The following RNF43 variants were observed in gnomAD, a reference collection of about 807,000 sequenced individuals.
RNF43 encodes the protein E3 ubiquitin-protein ligase RNF43.
Under a neutral mutation model 78.4 loss-of-function variants are expected in RNF43, and 37 were observed. The ratio of observed to expected loss-of-function variants is 0.47; its 90% confidence interval spans 0.36 to 0.62. The LOEUF is 0.62. Ranked by LOEUF, RNF43 falls within the 20% of genes least tolerant of loss-of-function variation. RNF43 has a pLI of 0.00. For missense variants in RNF43, 774 were observed against 1,007.9 expected (o/e 0.77, Z 3.14); for synonymous variants, 347 against 395.0 (o/e 0.88, Z 1.44).
rs374323015 is a variant in RNF43 at position 58,404,925 on chromosome 17, G to GA, written c.252+10400dup. On this transcript the variant is annotated intron_variant, in intron 2 of 9. Coordinates refer to ENST00000407977, the MANE Select transcript of RNF43 (RefSeq NM_017763.6). ...ATTTTAGAAAGTCAGTTTACAATCT[G>GA]AAAAAAAAAAGCCATGGTATCTAGT... Among the ~76,000 whole-genome samples the GA allele has an allele frequency of 8.9e-4, 124 of 139,782 alleles. 1 individual carries two copies. The South Asian group carries it at 0.016, about 18-fold the overall frequency. 91.7% of individuals were successfully genotyped at this position (139,782 alleles called of 152,430 possible). A position where few individuals can be genotyped will look rare whatever the true frequency, so the allele number is the denominator to read the frequency against.
intron 2 of RNF43, among the ~76,000 whole-genome samples, chr17:58,393,162 C>G (rs1189561463): frequency 2.6e-5 from 4 of 152,174 alleles, no homozygotes; most frequent in Admixed American, 1.3e-4. Flanking sequence ...AATCCCAGCA[C>G]TTTTGGAGGC....
intron 2 of RNF43, among the ~76,000 whole-genome samples, chr17:58,412,028 ATT>A (rs1395672782): frequency 6.6e-6 from 1 of 152,216 alleles, no homozygotes; most frequent in African/African-American, 2.4e-5. Context: ...CCGCCAGGTA[ATT>A]AGGAGATCTG....
At chr17:58,379,932 T>C (rs752147720) in intron 2 of RNF43, among the ~76,000 whole-genome samples, 30 of 152,238 alleles carry the variant, frequency 2.0e-4, no homozygotes, top group Non-Finnish European at 3.2e-4. Flanking sequence ...ACTAGAAAGC[T>C]ACTCATGAAG....
At chr17:58,386,663 A>C (rs1040643587) in intron 2 of RNF43, among the ~76,000 whole-genome samples, 1 of 152,030 alleles carries the variant, frequency 6.6e-6, no homozygotes, top group Non-Finnish European at 1.5e-5. Context: ...AATGCCTATT[A>C]TTTCTGTTCT....
chr17:58,415,605 C>A lies in RNF43; in HGVS notation c.-28G>T. 1 of 1,601,790 alleles carries A rather than the reference C, an allele frequency of 6.2e-7. No homozygotes were observed. The highest frequency in any genetic ancestry group is 8.5e-7 in the Non-Finnish European group (1 of 1,179,458). On this transcript the variant is annotated 5_prime_UTR_variant, in exon 2 of 10. Transcript: ENST00000407977. ...TACCAGCTGCAGCAATGCACTTCAA[C>A]CATACATACTGCTTCCACTAGCTAA...
At chr17:58,404,160 T>G (rs191309283) in intron 2 of RNF43, among the ~76,000 whole-genome samples, 8 of 152,228 alleles carry the variant, frequency 5.3e-5, no homozygotes, top group Non-Finnish European at 8.8e-5. Flanking sequence ...CTGCTACCTA[T>G]TTATTGTAAG....
At chr17:58,403,736 T>A (rs1243275824) in intron 2 of RNF43, among the ~76,000 whole-genome samples, 1 of 152,220 alleles carries the variant, frequency 6.6e-6, no homozygotes, top group Non-Finnish European at 1.5e-5. Context: ...GATGCTTACA[T>A]ACTAGAGCTC....
intron 3 of RNF43, among the ~76,000 whole-genome samples, chr17:58,367,274 C>T (rs1402741634): frequency 6.6e-6 from 1 of 152,140 alleles, no homozygotes; most frequent in Non-Finnish European, 1.5e-5. Context: ...GCTGGGATTA[C>T]CACACCTGGT....
intron 2 of RNF43, among the ~76,000 whole-genome samples, chr17:58,385,496 CTA>C (rs1428875173): frequency 2.6e-5 from 4 of 152,200 alleles, no homozygotes; most frequent in Non-Finnish European, 4.4e-5. Context: ...CCTATCTTTT[CTA>C]TGTCTCTGGA....
At position 58,358,321 on chromosome 17, in the gene RNF43, G is replaced by A. The variant is rs2143411578; in HGVS notation, c.1455C>T (p.Ile485=). 6.2e-7 allele frequency: 1 copy of A among 1,614,204 alleles called. No homozygotes were observed. Among genetic ancestry groups the A allele is most frequent in the East Asian group, 2.2e-5 (1 of 44,884 alleles). The change falls in exon 9 of 10, where the codon ATC becomes ATT. Residue 485 remains isoleucine, a synonymous_variant. Transcript: ENST00000407977. This position sits in a 1 kb window ranked among gnomAD's most constrained non-coding sequence, Gnocchi z 6.2. ...SSDSVVNCTD[I]SLQGVHGSSS... Reference sequence around the variant, plus strand: ...TGCTGCCATGGACCCCCTGTAGGCTGATGTCCGTGCAGTTGACCACAGAGT... The same window carrying A: ...TGCTGCCATGGACCCCCTGTAGGCTAATGTCCGTGCAGTTGACCACAGAGT...
chr17:58,390,630 T>TA (rs978161218), intron 2 of RNF43, among the ~76,000 whole-genome samples: 1 of 152,224 alleles, frequency 6.6e-6, no homozygotes, highest in African/African-American at 2.4e-5. Flanking sequence ...TTAAGATGCT[T>TA]ACAATCAGTT....
intron 9 of RNF43, among the ~76,000 whole-genome samples, chr17:58,355,755 G>A (rs1301531220): frequency 6.6e-6 from 1 of 152,140 alleles, no homozygotes; most frequent in Non-Finnish European, 1.5e-5. Flanking sequence ...GCAATAGGGA[G>A]GGTAGGTGAG....
chr17:58,374,280 G>A (rs759612567), intron 2 of RNF43, among the ~76,000 whole-genome samples: 3 of 151,760 alleles, frequency 2.0e-5, no homozygotes, highest in East Asian at 3.9e-4. Context: ...TACCTTCCCC[G>A]AACTCATTTA....
At chr17:58,383,670 T>C (rs769170574) in intron 2 of RNF43, among the ~76,000 whole-genome samples, 1 of 152,034 alleles carries the variant, frequency 6.6e-6, no homozygotes, top group Non-Finnish European at 1.5e-5. Flanking sequence ...CAGGCTGGAG[T>C]GCAATGGCGT....
At chr17:58,379,883 T>C (rs562867332) in intron 2 of RNF43, among the ~76,000 whole-genome samples, 2 of 152,334 alleles carry the variant, frequency 1.3e-5, no homozygotes, top group South Asian at 4.1e-4. Flanking sequence ...AAACAGGGTT[T>C]GACCTGACTC....
At chr17:58,369,958 G>T (rs1973044191) in intron 3 of RNF43, among the ~76,000 whole-genome samples, 1 of 151,858 alleles carries the variant, frequency 6.6e-6, no homozygotes, top group Non-Finnish European at 1.5e-5. Context: ...AAAAGAGAAG[G>T]CCCACAGCTG....
intron 3 of RNF43, among the ~76,000 whole-genome samples, chr17:58,364,216 A>G (rs1972902908): frequency 6.6e-6 from 1 of 152,198 alleles, no homozygotes; most frequent in Non-Finnish European, 1.5e-5. Context: ...CTACTTTGCC[A>G]AGTCTTTCTC....
chr17:58,360,733 T>A lies in RNF43; in HGVS notation c.849+50A>T, dbSNP rs2143443643. The A allele has an allele frequency of 6.1e-6, 9 of 1,480,762 alleles. No homozygotes were observed. Among genetic ancestry groups the A allele is most frequent in the African/African-American group, 1.4e-5 (1 of 71,726 alleles). The allele number at this position is 1,480,762 out of a possible 1,614,324, so 91.7% of individuals were successfully genotyped here. A position where few individuals can be genotyped will look rare whatever the true frequency, so the allele number is the denominator to read the frequency against. ...TAGGCCTGCCCACCCCTCCCCCAGC[T>A]TCAATCTCCCCAGTCTGGTCATGGA... On this transcript the variant is annotated intron_variant, in intron 7 of 9. Transcript: ENST00000407977. The surrounding 1 kb of genome is among the most constrained non-coding windows in gnomAD (Gnocchi z 4.3).
chr17:58,361,171 T>C (rs556776519), intron 6 of RNF43, among the ~76,000 whole-genome samples: 2 of 152,356 alleles, frequency 1.3e-5, no homozygotes, highest in South Asian at 2.1e-4. Context: ...TGATGACCCA[T>C]GAGAGAAACT....
Sources: allele counts gnomAD v4.1 joint callset (sites outside exome capture counted in the v4.1 genomes callset), GRCh38; gene constraint gnomAD v4.1.1; non-coding constraint Gnocchi (gnomAD v3.1); transcripts MANE v1.5; gene names NCBI Gene and HGNC (gene_info 2026-07-23, HGNC 2026-07-21).